RAPGEF4: variants seen among roughly 807,000 people sequenced by gnomAD.
The protein encoded by RAPGEF4 is RAP guanine-nucleotide-exchange factor (GEF) 4.
RAPGEF4 carries 66 observed loss-of-function variants against 147.9 expected under a neutral mutation model. The ratio of observed to expected loss-of-function variants is 0.45; its 90% confidence interval spans 0.37 to 0.55. The LOEUF (loss-of-function observed/expected upper bound fraction) is 0.55, where lower values mean the gene tolerates loss of function less well. Ranked by LOEUF, RAPGEF4 falls within the 20% of genes least tolerant of loss-of-function variation. The probability of loss-of-function intolerance (pLI) is 0.00; values close to 1 mark genes in which losing one functional copy is unlikely to be tolerated. For missense variants in RAPGEF4, 1,071 were observed against 1,257.3 expected, an observed-to-expected ratio of 0.85 and a Z score of 2.24; for synonymous variants, 419 against 442.7, an observed-to-expected ratio of 0.95 and a Z score of 0.67.
Position 173,036,137 on chromosome 2 carries a change from A to G in RAPGEF4, c.2713A>G (p.Asn905Asp), listed in dbSNP as rs1157192946. 1.2e-6 allele frequency: 2 copies of G among 1,611,318 alleles called. No homozygotes were observed. Among genetic ancestry groups the G allele is most frequent in the Non-Finnish European group, 8.5e-7 (1 of 1,177,766 alleles). Residue 905 changes from asparagine to aspartate, a missense_variant, in exon 28 of 31, where the codon AAC (asparagine) becomes GAC (aspartate). Asn to Asp is a conservative substitution (Grantham distance 23, BLOSUM62 1). Transcript: ENST00000397081. ...EFESLMDPSR[N>D]HRAYRLTVAK... ...TTTCTCTCCTAAGGACCCTTCAAGG[A>G]ACCACAGGGCCTACAGGCTGACAGT...
At chr2:172,812,093 C>T (rs1688080877) in intron 3 of RAPGEF4, among the ~76,000 whole-genome samples, 1 of 152,208 alleles carries the variant, frequency 6.6e-6, no homozygotes, top group African/African-American at 2.4e-5. Context: ...AAAGTTTGAA[C>T]TTGCAAACCA....
At chr2:172,779,394 G>A (rs1282208702) in intron 1 of RAPGEF4, among the ~76,000 whole-genome samples, 1 of 152,180 alleles carries the variant, frequency 6.6e-6, no homozygotes, top group South Asian at 2.1e-4. Context: ...AAGGGCATGA[G>A]CTGGGCAGAT....
chr2:173,014,694 T>C (rs994046212), intron 18 of RAPGEF4, 80 bp downstream of exon 18: 2 of 1,335,710 alleles, frequency 1.5e-6, no homozygotes, highest in Non-Finnish European at 2.0e-6. Context: ...GCAGCTTCCC[T>C]GGAGAGACCG....
intron 4 of RAPGEF4, among the ~76,000 whole-genome samples, chr2:172,917,153 A>C (rs552434528): frequency 6.6e-6 from 1 of 152,308 alleles, no homozygotes; most frequent in African/African-American, 2.4e-5. Flanking sequence ...CCTTATGCTA[A>C]GTGCCAGGTT....
At chr2:173,028,295 T>G (rs908576517) in intron 25 of RAPGEF4, among the ~76,000 whole-genome samples, 14 of 152,234 alleles carry the variant, frequency 9.2e-5, no homozygotes, top group African/African-American at 3.4e-4. Flanking sequence ...ACTTCCCTGG[T>G]AGTCTGCACA....
intron 2 of RAPGEF4, among the ~76,000 whole-genome samples, chr2:172,795,896 A>C (rs1293615667): frequency 1.6e-4 from 25 of 152,202 alleles, no homozygotes; most frequent in Non-Finnish European, 1.5e-5. Context: ...GACTTGTCCC[A>C]AATTGTTCTG....
At chr2:172,882,199 C>T (rs1172946797) in intron 4 of RAPGEF4, among the ~76,000 whole-genome samples, 1 of 152,188 alleles carries the variant, frequency 6.6e-6, no homozygotes, top group East Asian at 1.9e-4. Flanking sequence ...AGTTAGTAAA[C>T]TTTTACTCAA....
chr2:172,807,452 T>G (rs1279383096), intron 3 of RAPGEF4, among the ~76,000 whole-genome samples: 1 of 152,240 alleles, frequency 6.6e-6, no homozygotes, highest in Non-Finnish European at 1.5e-5. Flanking sequence ...AGAAAACACA[T>G]TTGCCTGAGA....
chr2:172,905,387 G>A (rs115024539), intron 4 of RAPGEF4, among the ~76,000 whole-genome samples: 1 of 152,318 alleles, frequency 6.6e-6, no homozygotes, highest in African/African-American at 2.4e-5. Flanking sequence ...AATGAGTGTG[G>A]ATTTATTCTG....
intron 3 of RAPGEF4, among the ~76,000 whole-genome samples, chr2:172,804,898 G>T (rs150311753): frequency 6.6e-6 from 1 of 152,164 alleles, no homozygotes; most frequent in African/African-American, 2.4e-5. Flanking sequence ...AAAAGCTATC[G>T]GGCTGCAGGA....
At chr2:172,822,837 G>T (rs1689224714) in intron 4 of RAPGEF4, among the ~76,000 whole-genome samples, 1 of 152,188 alleles carries the variant, frequency 6.6e-6, no homozygotes, top group African/African-American at 2.4e-5. Context: ...ACTCAGCTAA[G>T]CTACTGAGCA....
At chr2:172,948,391 C>T (rs908413345) in intron 6 of RAPGEF4, among the ~76,000 whole-genome samples, 1 of 152,078 alleles carries the variant, frequency 6.6e-6, no homozygotes, top group Non-Finnish European at 1.5e-5. Context: ...ACCATAACTT[C>T]TAGGTAATTC....
intron 4 of RAPGEF4, among the ~76,000 whole-genome samples, chr2:172,899,278 A>G (rs1698830389): frequency 6.6e-6 from 1 of 152,190 alleles, no homozygotes; most frequent in South Asian, 2.1e-4. Flanking sequence ...CAGTGTAGCT[A>G]TTTTCTGATG....
chr2:172,918,871 C>T (rs1456116581), intron 5 of RAPGEF4, among the ~76,000 whole-genome samples: 1 of 152,120 alleles, frequency 6.6e-6, no homozygotes, highest in Non-Finnish European at 1.5e-5. Flanking sequence ...TTCCTGGATC[C>T]TAGAATTCCC....
rs771351257 is a variant in RAPGEF4 at position 172,917,843 on chromosome 2, T to C, written c.486T>C (p.Tyr162=). 5.6e-6 allele frequency: 9 copies of C among 1,613,850 alleles called. No individual in the cohort carries two copies. The African/African-American group carries it at 9.3e-5, about 17-fold the overall frequency. Residue 162 remains tyrosine, a synonymous_variant, in exon 5 of 31, where the codon TAT becomes TAC. Transcript: ENST00000397081. ...TGGCAGGACTTCTGGCTCCTCCTTA[T>C]GGTGTTATGGAAACGGGCTCTAACA... ...QYMAGLLAPP[Y]GVMETGSNND...
At chr2:172,957,428 AG>A (rs1461325916) in intron 6 of RAPGEF4, among the ~76,000 whole-genome samples, 1 of 152,266 alleles carries the variant, frequency 6.6e-6, no homozygotes, top group African/African-American at 2.4e-5. Flanking sequence ...CTTGTAATGC[AG>A]GGGTCTCTGA....
rs79700086 is a variant in RAPGEF4, at chr2:172,919,674, G to A, written c.517+1800G>A. On this transcript the variant is annotated intron_variant, in intron 5 of 30. Coordinates refer to ENST00000397081, the MANE Select transcript of RAPGEF4 (RefSeq NM_007023.4). ...ACACCTCTGTTTGATCCTTCCAGGGGCAGCCTAAGTTTCCAGGTGACCTCA... is the reference window on the plus strand; with the variant it reads ...ACACCTCTGTTTGATCCTTCCAGGGACAGCCTAAGTTTCCAGGTGACCTCA... 1.9e-3 allele frequency among the ~76,000 whole-genome samples: 290 copies of A among 152,186 alleles called. 1 individual carries two copies. The highest frequency in any genetic ancestry group is 0.017 in the South Asian group (84 of 4,814).
rs77274910 is a variant in RAPGEF4 at position 172,847,203 on chromosome 2, G to A, written c.444+32778G>A. Among the ~76,000 whole-genome samples the A allele has an allele frequency of 5.8e-3, 879 of 152,300 alleles. 8 individuals are homozygous for A. Among genetic ancestry groups the A allele is most frequent in the African/African-American group, 0.021 (852 of 41,556 alleles). ...TCTTTAGACTGCAGGCACAGGTACA[G>A]AAGAGAAAATACAGCAATCTGAAGT... On this transcript the variant is annotated intron_variant, in intron 4 of 30. Coordinates refer to ENST00000397081, the MANE Select transcript of RAPGEF4 (RefSeq NM_007023.4).
chr2:172,859,072 G>GT (rs1693746140), intron 4 of RAPGEF4, among the ~76,000 whole-genome samples: 2 of 152,270 alleles, frequency 1.3e-5, no homozygotes. Flanking sequence ...AAATGGGTGT[G>GT]TTAAATTTGT....
Sources: gnomAD v4.1 joint callset for allele counts (sites outside exome capture counted in the v4.1 genomes callset) on GRCh38, gnomAD v4.1.1 for gene constraint, MANE v1.5 for transcripts, NCBI Gene and HGNC (gene_info 2026-07-23, HGNC 2026-07-21) for gene names.